The following SLC9A9 variants were observed in gnomAD, a reference collection of about 807,000 sequenced individuals.
The protein encoded by SLC9A9 is solute carrier family 9 member A9.
Under a neutral mutation model 77.8 loss-of-function variants are expected in SLC9A9, and 62 were observed. The observed-to-expected ratio is 0.80, with a 90% confidence interval of 0.65 to 0.98. SLC9A9 has a LOEUF of 0.98. Ranked by LOEUF, SLC9A9 falls within the 50% of genes least tolerant of loss-of-function variation. SLC9A9 has a pLI of 0.00. For synonymous variants in SLC9A9, 320 were observed against 283.5 expected, an observed-to-expected ratio of 1.13 and a Z score of -1.29; for missense variants, 775 against 774.9, an observed-to-expected ratio of 1.00 and a Z score of 0.00.
At chr3:143,743,280 TAGATAGATAGACAGAC>T (rs1351933406) in intron 4 of SLC9A9, among the ~76,000 whole-genome samples, 86 of 142,296 alleles carry the variant, frequency 6.0e-4, no homozygotes, top group African/African-American at 2.1e-3. Flanking sequence ...GATAGATAGA[TAGATAGATAGACAGAC>T]AGATAGATAG....
chr3:143,833,739 TG>T (rs574938869), intron 1 of SLC9A9, among the ~76,000 whole-genome samples: 2 of 152,340 alleles, frequency 1.3e-5, no homozygotes, highest in South Asian at 4.1e-4. Context: ...TGCATCTGGC[TG>T]GTTCTTACCA....
rs1293518012 is a variant in SLC9A9, at chr3:143,448,923, TTATAATATATAATATGATA to T, written c.1469+18095_1469+18113del. Among the ~76,000 whole-genome samples, 2 of 15,032 alleles carry T rather than the reference TTATAATATATAATATGATA, an allele frequency of 1.3e-4. 1 individual carries two copies. Among genetic ancestry groups the T allele is most frequent in the Non-Finnish European group, 1.6e-4 (2 of 12,224 alleles). The allele number at this position is 15,032 out of a possible 152,430, so 9.9% of individuals were successfully genotyped here. ...TATATAATATGATATATATTATATA[TTATAATATATAATATGATA>T]TATAATATATAATATAATTATATAA... On this transcript the variant is annotated intron_variant, in intron 12 of 15. Coordinates refer to ENST00000316549, the MANE Select transcript of SLC9A9 (RefSeq NM_173653.4).
At chr3:143,378,077 G>A (rs16853511) in intron 13 of SLC9A9, among the ~76,000 whole-genome samples, 3,487 of 152,212 alleles carry the variant, frequency 0.023, 150 homozygotes, top group African/African-American at 0.079. Flanking sequence ...TAGCCTCCTC[G>A]CCTGTTCTCT....
chr3:143,276,373 GT>G (rs1280470145), intron 14 of SLC9A9, among the ~76,000 whole-genome samples: 1 of 152,156 alleles, frequency 6.6e-6, no homozygotes, highest in Non-Finnish European at 1.5e-5. Flanking sequence ...TTGGTGGTTT[GT>G]CTCTGCCCAC....
At chr3:143,283,071 T>C (rs1000976477) in intron 14 of SLC9A9, among the ~76,000 whole-genome samples, 4 of 152,240 alleles carry the variant, frequency 2.6e-5, no homozygotes, top group Non-Finnish European at 4.4e-5. Flanking sequence ...GGCAAGTCTC[T>C]TTCCTCTTTG....
At chr3:143,676,502 G>A (rs1487348413) in intron 5 of SLC9A9, among the ~76,000 whole-genome samples, 1 of 152,124 alleles carries the variant, frequency 6.6e-6, no homozygotes, top group Non-Finnish European at 1.5e-5. Context: ...AATTTGGGAG[G>A]CTGAGGAGGG....
At chr3:143,633,371 G>T (rs945714617) in intron 6 of SLC9A9, among the ~76,000 whole-genome samples, 5 of 152,092 alleles carry the variant, frequency 3.3e-5, no homozygotes, top group African/African-American at 1.2e-4. Context: ...TATATGCATT[G>T]CTATACAGAT....
chr3:143,465,114 G>A (rs867971577), intron 12 of SLC9A9, among the ~76,000 whole-genome samples: 1 of 152,180 alleles, frequency 6.6e-6, no homozygotes, highest in East Asian at 1.9e-4. Context: ...GAATTGGTTG[G>A]GCCATTTGGA....
chr3:143,539,579 A>G (rs2036650318), intron 9 of SLC9A9, among the ~76,000 whole-genome samples: 1 of 152,198 alleles, frequency 6.6e-6, no homozygotes, highest in Non-Finnish European at 1.5e-5. Flanking sequence ...CTAAAATGCC[A>G]TTATGAGACT....
At chr3:143,723,112 A>G (rs1485358857) in intron 4 of SLC9A9, among the ~76,000 whole-genome samples, 1 of 152,194 alleles carries the variant, frequency 6.6e-6, no homozygotes, top group African/African-American at 2.4e-5. Context: ...GTACCCCTAC[A>G]GATAAGTAAA....
At chr3:143,676,807 T>C (rs1325818759) in intron 5 of SLC9A9, among the ~76,000 whole-genome samples, 1 of 152,116 alleles carries the variant, frequency 6.6e-6, no homozygotes, top group Non-Finnish European at 1.5e-5. Context: ...ACCAGTTACA[T>C]GACTCCATTG....
intron 6 of SLC9A9, among the ~76,000 whole-genome samples, chr3:143,596,784 T>C (rs1253605975): frequency 6.6e-6 from 1 of 152,142 alleles, no homozygotes; most frequent in East Asian, 1.9e-4. Context: ...TGCCTCATCC[T>C]CCCATGTAGT....
intron 15 of SLC9A9, 52 bp downstream of exon 15, chr3:143,268,823 G>A: frequency 7.3e-7 from 1 of 1,368,892 alleles, no homozygotes; most frequent in Non-Finnish European, 1.0e-6. Context: ...TATTCACCAA[G>A]TCTGTCCCAC....
intron 1 of SLC9A9, among the ~76,000 whole-genome samples, chr3:143,843,386 T>G (rs1383768868): frequency 1.3e-5 from 2 of 152,238 alleles, no homozygotes; most frequent in African/African-American, 4.8e-5. Context: ...ATTCACTATG[T>G]AACTGTATTT....
intron 12 of SLC9A9, among the ~76,000 whole-genome samples, chr3:143,384,402 C>T (rs192885524): frequency 8.2e-4 from 125 of 152,296 alleles, no homozygotes; most frequent in African/African-American, 2.9e-3. Context: ...CTGCTGGGCA[C>T]CCAGGTTGGC....
In SLC9A9 at chr3:143,265,968, GT is replaced by G. The variant is rs1937699829; in HGVS notation, c.*733del. ...GGAAGGCTTGTTCTTCAGGCACAAC[GT>G]GGTATGGGGAGAAGAAACCTGGTTT... On this transcript the variant is annotated 3_prime_UTR_variant, in exon 16 of 16. Coordinates refer to ENST00000316549, the MANE Select transcript of SLC9A9 (RefSeq NM_173653.4). 1.5e-6 allele frequency: 1 copy of G among 676,950 alleles called. No individual in the cohort carries two copies. Among genetic ancestry groups the G allele is most frequent in the Non-Finnish European group, 2.7e-6 (1 of 372,208 alleles). The allele number at this position is 676,950 out of a possible 1,614,324, so 41.9% of individuals were successfully genotyped here.
chr3:143,756,270 A>G (rs1195641790), intron 4 of SLC9A9, among the ~76,000 whole-genome samples: 1 of 152,232 alleles, frequency 6.6e-6, no homozygotes, highest in Admixed American at 6.5e-5. Context: ...AGAAAAGCTG[A>G]TCTTCACAAC....
At chr3:143,629,479 T>C (rs1486567602) in intron 6 of SLC9A9, among the ~76,000 whole-genome samples, 1 of 152,172 alleles carries the variant, frequency 6.6e-6, no homozygotes, top group African/African-American at 2.4e-5. Flanking sequence ...TAAGACTTTA[T>C]TCATTATTGA....
chr3:143,808,675 T>G (rs188843034), intron 2 of SLC9A9, among the ~76,000 whole-genome samples: 1 of 152,318 alleles, frequency 6.6e-6, no homozygotes, highest in East Asian at 1.9e-4. Context: ...GCATGGACAC[T>G]CAGAGCCAAA....
Sources: allele counts gnomAD v4.1 joint callset (sites outside exome capture counted in the v4.1 genomes callset), GRCh38; gene constraint gnomAD v4.1.1; transcripts MANE v1.5; gene names NCBI Gene and HGNC (gene_info 2026-07-23, HGNC 2026-07-21).